The following NPTN variants were observed in gnomAD, a reference collection of about 807,000 sequenced individuals.
NPTN encodes the protein neuroplastin.
Under a neutral mutation model 42.7 loss-of-function variants are expected in NPTN, and 5 were observed. The observed-to-expected ratio is 0.12, with a 90% CI of 0.06 to 0.25. NPTN has a LOEUF of 0.25. Ranked by LOEUF, NPTN falls within the 10% of genes least tolerant of loss-of-function variation. NPTN has a pLI of 1.00. For synonymous variants in NPTN, 180 were observed against 201.9 expected, an observed-to-expected ratio of 0.89 and a Z score of 0.92; for missense variants, 307 against 525.4, an observed-to-expected ratio of 0.58 and a Z score of 4.06.
intron 2 of NPTN, among the ~76,000 whole-genome samples, chr15:73,593,598 G>A (rs1896698055): frequency 6.6e-6 from 1 of 152,200 alleles, no homozygotes; most frequent in Non-Finnish European, 1.5e-5. Flanking sequence ...GAGGGGGAAA[G>A]CATGGGGAAG....
At chr15:73,595,481 C>G (rs1484473986) in intron 2 of NPTN, among the ~76,000 whole-genome samples, 1 of 152,144 alleles carries the variant, frequency 6.6e-6, no homozygotes, top group African/African-American at 2.4e-5. Flanking sequence ...ACAAAGGACT[C>G]TTTTTTTACC....
intron 4 of NPTN, among the ~76,000 whole-genome samples, chr15:73,586,590 C>T (rs1475107235): frequency 1.3e-5 from 2 of 152,184 alleles, no homozygotes; most frequent in East Asian, 1.9e-4. Context: ...GCATTTTTAA[C>T]CTTCCAAATA....
chr15:73,586,837 C>T (rs1379236300), intron 4 of NPTN, among the ~76,000 whole-genome samples: 2 of 152,216 alleles, frequency 1.3e-5, no homozygotes, highest in Non-Finnish European at 2.9e-5. Flanking sequence ...TCTAGACTAG[C>T]TCTGCCACAA....
chr15:73,586,449 G>A (rs1037195536), intron 4 of NPTN, among the ~76,000 whole-genome samples: 1 of 152,286 alleles, frequency 6.6e-6, no homozygotes, highest in South Asian at 2.1e-4. Flanking sequence ...GAATTAAACT[G>A]GCAGCTGGAG....
intron 6 of NPTN, 41 bp from the exon 7 acceptor site, chr15:73,563,298 G>C: frequency 6.2e-7 from 1 of 1,609,164 alleles, no homozygotes; most frequent in Non-Finnish European, 8.5e-7. Flanking sequence ...TGAGAGATAA[G>C]AGAAGAAAGG....
At position 73,633,268 on chromosome 15, in the gene NPTN, G is replaced by C. The variant is rs1321737187; in HGVS notation, c.-53C>G. ...ATGGGCCGGGGCCAGAGCCGGGGCC[G>C]GGGAAGGGAGGGGAGGGAGGGAGGG... On this transcript the variant is annotated 5_prime_UTR_variant, in exon 1 of 9. Coordinates refer to ENST00000345330, the MANE Select transcript of NPTN (RefSeq NM_012428.4). 4 of 1,269,208 alleles carry C rather than the reference G, an allele frequency of 3.2e-6. No individual in the cohort carries two copies. Among genetic ancestry groups the C allele is most frequent in the Admixed American group, 3.0e-5 (1 of 33,674 alleles). The allele number at this position is 1,269,208 out of a possible 1,614,324, so 78.6% of individuals were successfully genotyped here.
intron 1 of NPTN, among the ~76,000 whole-genome samples, chr15:73,608,987 A>G (rs1897422153): frequency 6.6e-6 from 1 of 152,170 alleles, no homozygotes; most frequent in Non-Finnish European, 1.5e-5. Context: ...TGCACTTGGG[A>G]ATCATCAGCT....
intron 3 of NPTN, among the ~76,000 whole-genome samples, chr15:73,589,511 A>G (rs1031586076): frequency 3.3e-5 from 5 of 152,114 alleles, no homozygotes; most frequent in African/African-American, 1.2e-4. Flanking sequence ...GTGAGTAATT[A>G]CAGAAAGAAG....
intron 2 of NPTN, among the ~76,000 whole-genome samples, chr15:73,593,236 A>G (rs934861630): frequency 7.9e-5 from 12 of 152,196 alleles, no homozygotes; most frequent in African/African-American, 2.7e-4. Context: ...GCACTTTGAA[A>G]TCTATCACTG....
rs1491267074 is a variant in NPTN, at chr15:73,560,147, TAA to T, written c.*914_*915del. The stretch of plus-strand genomic sequence containing the variant: ...GCACCGCATGAGAACCGTTAGGTTA[TAA>T]AATCTATCATCAACCAGTAAATCAA... On this transcript the variant is annotated 3_prime_UTR_variant, in exon 9 of 9. Coordinates refer to ENST00000345330, the MANE Select transcript of NPTN (RefSeq NM_012428.4). 2.8e-6 allele frequency: 1 copy of T among 362,330 alleles called. No individual in the cohort carries two copies. Among genetic ancestry groups the T allele is most frequent in the East Asian group, 5.5e-5 (1 of 18,034 alleles). The allele number at this position is 362,330 out of a possible 1,614,324, so 22.4% of individuals were successfully genotyped here.
At chr15:73,627,312 G>A (rs1234093811) in intron 1 of NPTN, among the ~76,000 whole-genome samples, 1 of 152,184 alleles carries the variant, frequency 6.6e-6, no homozygotes, top group African/African-American at 2.4e-5. Flanking sequence ...TTATTTGGTA[G>A]GAAGGCTAGT....
chr15:73,580,497 A>AT (rs1181610661), intron 4 of NPTN, among the ~76,000 whole-genome samples: 19 of 132,868 alleles, frequency 1.4e-4, no homozygotes, highest in African/African-American at 5.9e-4. Context: ...ATATATACAT[A>AT]AATATATATA....
chr15:73,607,909 AT>A (rs1315949569), intron 1 of NPTN, among the ~76,000 whole-genome samples: 1 of 152,156 alleles, frequency 6.6e-6, no homozygotes, highest in African/African-American at 2.4e-5. Context: ...TACTCTGACA[AT>A]ATCTTGGAGA....
intron 5 of NPTN, among the ~76,000 whole-genome samples, chr15:73,571,339 G>A (rs1344975101): frequency 1.3e-5 from 2 of 152,166 alleles, no homozygotes; most frequent in Admixed American, 6.5e-5. Flanking sequence ...CTAAGGGCAG[G>A]TGGGAGTGAG....
At position 73,560,960 on chromosome 15, in the gene NPTN, T is replaced by C. The variant is rs1019209306; in HGVS notation, c.*103A>G. The stretch of plus-strand genomic sequence containing the variant: ...CATGCTTTAGACAGTCATTGTGGTG[T>C]TGCTCACTTGAAAGGGGAGAGAACC... On this transcript the variant is annotated 3_prime_UTR_variant, in exon 9 of 9. Transcript: ENST00000345330. 6.6e-6 allele frequency: 1 copy of C among 152,584 alleles called. No homozygotes were observed. Among genetic ancestry groups the C allele is most frequent in the Non-Finnish European group, 1.5e-5 (1 of 68,028 alleles). 9.5% of individuals were successfully genotyped at this position (152,584 alleles called of 1,614,324 possible).
intron 4 of NPTN, among the ~76,000 whole-genome samples, chr15:73,579,633 GA>G (rs1895887060): frequency 6.6e-6 from 1 of 152,050 alleles, no homozygotes; most frequent in African/African-American, 2.4e-5. Flanking sequence ...AGGGGGCTAG[GA>G]ACAGTCTTCA....
chr15:73,619,875 G>T (rs1898049522), intron 1 of NPTN, among the ~76,000 whole-genome samples: 1 of 152,174 alleles, frequency 6.6e-6, no homozygotes, highest in African/African-American at 2.4e-5. Flanking sequence ...AAAGAGAAAA[G>T]TTCACTAAGC....
chr15:73,574,497 T>C (rs940557544), intron 4 of NPTN, among the ~76,000 whole-genome samples: 7 of 152,198 alleles, frequency 4.6e-5, no homozygotes, highest in African/African-American at 1.7e-4. Flanking sequence ...CGCTGCTCAC[T>C]GTAGCCTCAA....
chr15:73,575,399 G>C (rs1285228241), intron 4 of NPTN, among the ~76,000 whole-genome samples: 1 of 152,258 alleles, frequency 6.6e-6, no homozygotes, highest in Non-Finnish European at 1.5e-5. Flanking sequence ...TTACAGGCGT[G>C]AGCCACCACG....
Sources: gnomAD v4.1 joint callset for allele counts (sites outside exome capture counted in the v4.1 genomes callset) on GRCh38, gnomAD v4.1.1 for gene constraint, MANE v1.5 for transcripts, NCBI Gene and HGNC (gene_info 2026-07-23, HGNC 2026-07-21) for gene names.